SNX7: variants seen among roughly 807,000 people sequenced by gnomAD.
The protein encoded by SNX7 is sorting nexin-7.
A neutral mutation model predicts 48.4 loss-of-function variants in SNX7; 35 were observed. The observed-to-expected ratio is 0.72, with a 90% confidence interval of 0.55 to 0.96. The LOEUF is 0.96. Ranked by LOEUF, SNX7 falls within the 40% of genes least tolerant of loss-of-function variation. The probability of loss-of-function intolerance (pLI) is 0.00; values close to 1 mark genes in which losing one functional copy is unlikely to be tolerated. For missense variants in SNX7, 553 were observed against 548.9 expected (o/e 1.01, Z -0.07); for synonymous variants, 190 against 190.2 (o/e 1.00, Z 0.01).
At chr1:98,719,889 G>T (rs1412440550) in intron 7 of SNX7, among the ~76,000 whole-genome samples, 1 of 148,084 alleles carries the variant, frequency 6.8e-6, no homozygotes, top group Non-Finnish European at 1.5e-5. Context: ...TATTTTTAAT[G>T]GTATATATCA....
chr1:98,728,145 A>G (rs1653288920), intron 7 of SNX7, among the ~76,000 whole-genome samples: 1 of 152,298 alleles, frequency 6.6e-6, no homozygotes, highest in Middle Eastern at 3.4e-3. Flanking sequence ...GAGAAAGGCC[A>G]GGTCACCTAC....
At chr1:98,673,195 A>C (rs1570490036) in intron 1 of SNX7, among the ~76,000 whole-genome samples, 2 of 152,306 alleles carry the variant, frequency 1.3e-5, no homozygotes, top group African/African-American at 4.8e-5. Flanking sequence ...GATACAGCAA[A>C]TGTGAAAATG....
intron 7 of SNX7, among the ~76,000 whole-genome samples, chr1:98,710,252 C>T (rs1377600692): frequency 6.6e-6 from 1 of 152,038 alleles, no homozygotes; most frequent in East Asian, 1.9e-4. Flanking sequence ...TTAAGGTTTG[C>T]TAATTTGAAA....
chr1:98,722,702 T>A (rs1652950599), intron 7 of SNX7, among the ~76,000 whole-genome samples: 1 of 152,098 alleles, frequency 6.6e-6, no homozygotes, highest in African/African-American at 2.4e-5. Flanking sequence ...ATGATGATAT[T>A]TTTAAGTAAG....
rs567767232 is a variant in SNX7, at chr1:98,724,606, C to T, written c.1126-13631C>T. On this transcript the variant is annotated intron_variant, in intron 7 of 8. Transcript: ENST00000306121. ...ACTATTGTATGTATAGAGACAATCA[C>T]GGAATAAGGATAAAGGATGCTTATT... Among the ~76,000 whole-genome samples, 12 of 152,086 alleles carry T rather than the reference C, an allele frequency of 7.9e-5. No individual in the cohort carries two copies. In the South Asian group the frequency reaches 1.7e-3, roughly 21 times the overall value.
chr1:98,705,181 A>C (rs984768149), intron 7 of SNX7, among the ~76,000 whole-genome samples: 1 of 152,116 alleles, frequency 6.6e-6, no homozygotes, highest in African/African-American at 2.4e-5. Flanking sequence ...TCCTTCTTAG[A>C]GTTTGTGGTT....
chr1:98,732,074 T>C (rs1653541811), intron 7 of SNX7, among the ~76,000 whole-genome samples: 1 of 152,132 alleles, frequency 6.6e-6, no homozygotes, highest in Non-Finnish European at 1.5e-5. Flanking sequence ...GCTTTCTCAC[T>C]ATCCTAAAGT....
intron 4 of SNX7, among the ~76,000 whole-genome samples, chr1:98,693,607 A>G (rs910094561): frequency 1.3e-5 from 2 of 152,170 alleles, no homozygotes; most frequent in Non-Finnish European, 2.9e-5. Context: ...GATAATGTTT[A>G]CTCTATCAAA....
intron 7 of SNX7, among the ~76,000 whole-genome samples, chr1:98,704,612 C>T (rs950129114): frequency 1.3e-5 from 2 of 152,098 alleles, no homozygotes; most frequent in African/African-American, 4.8e-5. Flanking sequence ...ACCATGGCAA[C>T]GTGCCCTTGT....
chr1:98,661,978 CG>C (rs1177176830), intron 1 of SNX7, 67 bp downstream of exon 1: 30 of 1,237,646 alleles, frequency 2.4e-5, no homozygotes, highest in Non-Finnish European at 3.1e-5. Flanking sequence ...AGCATTGCGC[CG>C]ACGGCTGCCT....
chr1:98,724,276 G>A (rs1261772697), intron 7 of SNX7, among the ~76,000 whole-genome samples: 2 of 151,870 alleles, frequency 1.3e-5, no homozygotes, highest in African/African-American at 4.8e-5. Context: ...ACCCACTCTG[G>A]CCATTGCTGG....
intron 8 of SNX7, among the ~76,000 whole-genome samples, chr1:98,758,897 C>T (rs1654983844): frequency 1.3e-5 from 2 of 151,596 alleles, no homozygotes; most frequent in African/African-American, 2.4e-5. Flanking sequence ...TTCCCATATT[C>T]TAAATCTTCA....
At chr1:98,723,183 GAAC>G (rs1442317617) in intron 7 of SNX7, among the ~76,000 whole-genome samples, 2 of 152,072 alleles carry the variant, frequency 1.3e-5, no homozygotes, top group African/African-American at 2.4e-5. Context: ...AAAACAAAAA[GAAC>G]AACAACCCTG....
At chr1:98,721,994 C>T (rs1652899347) in intron 7 of SNX7, among the ~76,000 whole-genome samples, 1 of 151,942 alleles carries the variant, frequency 6.6e-6, no homozygotes, top group African/African-American at 2.4e-5. Flanking sequence ...ATAGAAGATT[C>T]TGAGGAGATC....
intron 6 of SNX7, among the ~76,000 whole-genome samples, chr1:98,699,649 G>A (rs1461480693): frequency 6.6e-6 from 1 of 151,936 alleles, no homozygotes; most frequent in Non-Finnish European, 1.5e-5. Flanking sequence ...TGGAACCATG[G>A]TTTCTTTGGA....
chr1:98,740,896 C>G (rs1183485187), intron 8 of SNX7, among the ~76,000 whole-genome samples: 1 of 152,102 alleles, frequency 6.6e-6, no homozygotes, highest in Non-Finnish European at 1.5e-5. Context: ...TCCAGAGATC[C>G]TTATAGCTCC....
At chr1:98,686,171 T>C (rs1650786258) in intron 2 of SNX7, among the ~76,000 whole-genome samples, 1 of 152,192 alleles carries the variant, frequency 6.6e-6, no homozygotes, top group Non-Finnish European at 1.5e-5. Flanking sequence ...TAGATGCCTG[T>C]GAAAGCTTCT....
Position 98,685,029 on chromosome 1 carries a change from A to G in SNX7, c.325A>G (p.Thr109Ala), listed in dbSNP as rs773818628. The part of the protein sequence containing the change: ...TVDEPESHVT[T>A]IETFITYRII... ...TGATGAACCTGAAAGTCATGTTACT[A>G]CAATAGAAACTTTCATTACGTATAG... The change falls in exon 2 of 9, where the codon ACA (threonine) becomes GCA (alanine). Residue 109 changes from threonine (T) to alanine (A), a missense_variant. Physicochemically the swap from Thr to Ala is moderately conservative, Grantham distance 58. Coordinates refer to ENST00000306121, the MANE Select transcript of SNX7 (RefSeq NM_015976.5). 13 of 1,573,480 alleles carry G rather than the reference A, an allele frequency of 8.3e-6. No homozygotes were observed. The highest frequency in any genetic ancestry group is 1.4e-5 in the African/African-American group (1 of 74,036).
In SNX7 at chr1:98,732,653, T is replaced by C. The variant is rs1188433072; in HGVS notation, c.1126-5584T>C. On this transcript the variant is annotated intron_variant, in intron 7 of 8. Coordinates refer to ENST00000306121, the MANE Select transcript of SNX7 (RefSeq NM_015976.5). ...GTTCAGATTGGAGTTTTTGTTTTCTTTCACATCGGTAAGTCAAGAGCATCC... is the reference window on the plus strand; with the variant it reads ...GTTCAGATTGGAGTTTTTGTTTTCTCTCACATCGGTAAGTCAAGAGCATCC... Among the ~76,000 whole-genome samples, 7 of 152,106 alleles carry C rather than the reference T, an allele frequency of 4.6e-5. No individual in the cohort carries two copies. In the East Asian group the frequency reaches 1.2e-3, roughly 25 times the overall value.
Sources: gnomAD v4.1 joint callset for allele counts (sites outside exome capture counted in the v4.1 genomes callset) on GRCh38, gnomAD v4.1.1 for gene constraint, MANE v1.5 for transcripts, NCBI Gene and HGNC (gene_info 2026-07-23, HGNC 2026-07-21) for gene names.